The following KCNK2 variants were observed in gnomAD, a reference collection of about 807,000 sequenced individuals.
KCNK2 encodes the protein potassium two pore domain channel subfamily K member 2.
A neutral mutation model predicts 40.5 loss-of-function variants in KCNK2; 21 were observed. The observed-to-expected ratio is 0.52, with a 90% confidence interval of 0.37 to 0.75. The LOEUF (loss-of-function observed/expected upper bound fraction) is 0.75, where lower values mean the gene tolerates loss of function less well. Ranked by LOEUF, KCNK2 falls within the 30% of genes least tolerant of loss-of-function variation. The probability of loss-of-function intolerance (pLI) is 0.00; values close to 1 mark genes in which losing one functional copy is unlikely to be tolerated. For synonymous variants in KCNK2, 191 were observed against 202.2 expected, an observed-to-expected ratio of 0.94 and a Z score of 0.47; for missense variants, 399 against 531.6, an observed-to-expected ratio of 0.75 and a Z score of 2.45.
chr1:215,209,455 ATATAT>A (rs1294931781), intron 6 of KCNK2, among the ~76,000 whole-genome samples: 8 of 20,538 alleles, frequency 3.9e-4, no homozygotes, highest in African/African-American at 1.3e-3. Context: ...AATATATATT[ATATAT>A]TATATATAAT....
At chr1:215,067,704 A>G (rs1840049) in intron 1 of KCNK2, among the ~76,000 whole-genome samples, 29,632 of 152,006 alleles carry the variant, frequency 0.19, 3,422 homozygotes, top group African/African-American at 0.34. Flanking sequence ...TCTCTACTAA[A>G]AAAATATAAA....
chr1:215,151,794 G>T (rs1231127059), intron 3 of KCNK2, among the ~76,000 whole-genome samples: 4 of 151,910 alleles, frequency 2.6e-5, no homozygotes, highest in Admixed American at 2.6e-4. Flanking sequence ...ATTTGTGATG[G>T]TTATTTCTGG....
At chr1:215,083,879 C>T (rs1313454311) in intron 1 of KCNK2, among the ~76,000 whole-genome samples, 2 of 152,062 alleles carry the variant, frequency 1.3e-5, no homozygotes, top group Non-Finnish European at 2.9e-5. Context: ...AACAGAAGAC[C>T]GGGATTAACA....
chr1:215,103,962 G>C (rs1357538191), intron 2 of KCNK2, among the ~76,000 whole-genome samples: 1 of 151,992 alleles, frequency 6.6e-6, no homozygotes, highest in Non-Finnish European at 1.5e-5. Flanking sequence ...AAAAAAATAA[G>C]CTAATCTTAT....
At chr1:215,094,919 T>A (rs573179578) in intron 2 of KCNK2, among the ~76,000 whole-genome samples, 2 of 152,250 alleles carry the variant, frequency 1.3e-5, no homozygotes, top group African/African-American at 4.8e-5. Context: ...ATTCTGCATG[T>A]AAATTTTCGT....
chr1:215,142,219 T>C (rs766388273), intron 3 of KCNK2, among the ~76,000 whole-genome samples: 2 of 152,128 alleles, frequency 1.3e-5, no homozygotes, highest in Non-Finnish European at 2.9e-5. Context: ...TTATTTTTTG[T>C]TGGCTTTACG....
chr1:215,033,209 T>C (rs1657266438), intron 1 of KCNK2, among the ~76,000 whole-genome samples: 1 of 151,428 alleles, frequency 6.6e-6, no homozygotes, highest in African/African-American at 2.4e-5. Flanking sequence ...CTTTTCTTTT[T>C]TTTTTTTTTG....
chr1:215,201,516 A>G (rs1366201625), intron 6 of KCNK2, among the ~76,000 whole-genome samples: 1 of 152,240 alleles, frequency 6.6e-6, no homozygotes, highest in Non-Finnish European at 1.5e-5. Context: ...ATAGAAATCC[A>G]TATGAATGGT....
At chr1:215,158,921 T>C (rs1463451247) in intron 3 of KCNK2, among the ~76,000 whole-genome samples, 1 of 152,152 alleles carries the variant, frequency 6.6e-6, no homozygotes, top group Non-Finnish European at 1.5e-5. Flanking sequence ...TGGTACTCAG[T>C]TTATTGATGT....
At chr1:215,065,044 A>T (rs1339321645) in intron 1 of KCNK2, among the ~76,000 whole-genome samples, 4 of 152,220 alleles carry the variant, frequency 2.6e-5, no homozygotes, top group Non-Finnish European at 5.9e-5. Context: ...GTATTTCAAT[A>T]TAGTGTTTAT....
intron 2 of KCNK2, among the ~76,000 whole-genome samples, chr1:215,099,620 A>G (rs74143655): frequency 0.018 from 2,715 of 152,082 alleles, 83 homozygotes; most frequent in African/African-American, 0.062. Context: ...GCTTAGGGAA[A>G]TAAGTGGTAC....
At chr1:215,206,532 T>C (rs1453481524) in intron 6 of KCNK2, among the ~76,000 whole-genome samples, 1 of 152,210 alleles carries the variant, frequency 6.6e-6, no homozygotes, top group Non-Finnish European at 1.5e-5. Flanking sequence ...ATTTTCTTTA[T>C]TCATTAGTTA....
chr1:215,131,137 G>A (rs569805167), intron 3 of KCNK2, among the ~76,000 whole-genome samples: 2 of 151,632 alleles, frequency 1.3e-5, no homozygotes, highest in East Asian at 1.9e-4. Context: ...TGGGATTACA[G>A]GCGTGAGCCA....
At chr1:215,215,207 T>G (rs1484751127) in intron 6 of KCNK2, among the ~76,000 whole-genome samples, 2 of 152,132 alleles carry the variant, frequency 1.3e-5, no homozygotes. Context: ...GGGATTTTTT[T>G]TTTTCAGTTA....
rs192540649 is a variant in KCNK2, at chr1:215,177,949, T to C, written c.823+5766T>C. ...GTAGCTTAATAGAAATAGCGTTGAG[T>C]CTATAGATTGCTTTGGACAGTATGG... On this transcript the variant is annotated intron_variant, in intron 5 of 6. Transcript: ENST00000444842. Among the ~76,000 whole-genome samples the C allele has an allele frequency of 3.1e-3, 470 of 151,708 alleles. 5 individuals are homozygous for C. The highest frequency in any genetic ancestry group is 0.011 in the African/African-American group (452 of 41,466).
chr1:215,155,818 C>T (rs934483112), intron 3 of KCNK2, among the ~76,000 whole-genome samples: 1 of 152,064 alleles, frequency 6.6e-6, no homozygotes, highest in Non-Finnish European at 1.5e-5. Context: ...CACGCCAGGC[C>T]GAGATTTAAT....
chr1:215,157,654 A>G (rs1410447456), intron 3 of KCNK2, among the ~76,000 whole-genome samples: 6 of 152,190 alleles, frequency 3.9e-5, no homozygotes, highest in Non-Finnish European at 8.8e-5. Flanking sequence ...TCTTGCTGTG[A>G]TAGTACTATT....
At chr1:215,162,626 G>C (rs1218590262) in intron 3 of KCNK2, among the ~76,000 whole-genome samples, 1 of 152,072 alleles carries the variant, frequency 6.6e-6, no homozygotes, top group Non-Finnish European at 1.5e-5. Context: ...TCCAGTTTCA[G>C]TTTTCTGCAT....
chr1:215,150,724 C>T (rs1044751555), intron 3 of KCNK2, among the ~76,000 whole-genome samples: 2 of 151,916 alleles, frequency 1.3e-5, no homozygotes, highest in African/African-American at 4.8e-5. Context: ...AGCTATTTTA[C>T]TAAGCTTTTC....
Sources: allele counts gnomAD v4.1 joint callset (sites outside exome capture counted in the v4.1 genomes callset), GRCh38; gene constraint gnomAD v4.1.1; transcripts MANE v1.5; gene names NCBI Gene and HGNC (gene_info 2026-07-23, HGNC 2026-07-21).